The following AHCTF1 variants were observed in gnomAD, a reference collection of about 807,000 sequenced individuals.
The protein encoded by AHCTF1 is AT-hook containing transcription factor 1.
In AHCTF1, 24 loss-of-function variants were observed where a neutral mutation model predicts 248.4. The observed-to-expected ratio is 0.10, with a 90% CI of 0.07 to 0.14. AHCTF1 has a LOEUF of 0.14. Among genes scored for constraint, AHCTF1 ranks in the 10% least tolerant of loss-of-function variants. The pLI is 1.00. For synonymous variants in AHCTF1, 786 were observed against 929.8 expected, an observed-to-expected ratio of 0.85 and a Z score of 2.81; for missense variants, 2,206 against 2,636.2, an observed-to-expected ratio of 0.84 and a Z score of 3.57.
At chr1:246,891,188 A>G in intron 15 of AHCTF1, 128 bp from the exon 16 acceptor site, 1 of 547,794 alleles carries the variant, frequency 1.8e-6, no homozygotes, top group Non-Finnish European at 3.1e-6. Flanking sequence ...ATATTTGTTC[A>G]AGATATATGT....
chr1:246,908,287 A>G (rs1315162014), intron 4 of AHCTF1, among the ~76,000 whole-genome samples: 1 of 145,970 alleles, frequency 6.9e-6, no homozygotes. Flanking sequence ...AATGAAACAC[A>G]TTAAATATGC....
At chr1:246,843,738 T>A in intron 34 of AHCTF1, 57 bp downstream of exon 34, 1 of 1,056,240 alleles carries the variant, frequency 9.5e-7, no homozygotes, top group South Asian at 3.3e-5. Flanking sequence ...TTAAAACATT[T>A]GTAAAAAAAA....
chr1:246,903,395 G>C (rs1396048405), intron 7 of AHCTF1, among the ~76,000 whole-genome samples: 1 of 152,182 alleles, frequency 6.6e-6, no homozygotes, highest in African/African-American at 2.4e-5. Flanking sequence ...CCACAAGCTT[G>C]AATCTAGTCC....
At chr1:246,872,120 T>C (rs537009029) in intron 24 of AHCTF1, among the ~76,000 whole-genome samples, 78 of 148,062 alleles carry the variant, frequency 5.3e-4, no homozygotes, top group African/African-American at 1.7e-3. Flanking sequence ...AATATGGTCA[T>C]AGATCATCAC....
chr1:246,881,872 A>G (rs1369669702), intron 21 of AHCTF1, among the ~76,000 whole-genome samples: 1 of 150,986 alleles, frequency 6.6e-6, no homozygotes, highest in African/African-American at 2.4e-5. Flanking sequence ...CAAAAAAAAA[A>G]GAAGAAGGGT....
intron 31 of AHCTF1, among the ~76,000 whole-genome samples, chr1:246,853,697 G>C (rs1322623275): frequency 2.0e-5 from 3 of 149,366 alleles, no homozygotes; most frequent in Admixed American, 2.0e-4. Context: ...CTAGGATAAA[G>C]AATGAATCTC....
At chr1:246,900,883 C>T (rs1664946227) in intron 8 of AHCTF1, among the ~76,000 whole-genome samples, 1 of 152,080 alleles carries the variant, frequency 6.6e-6, no homozygotes. Flanking sequence ...TGAACCTTAG[C>T]TGAGAAGGAC....
intron 33 of AHCTF1, among the ~76,000 whole-genome samples, chr1:246,847,825 A>C (rs569166324): frequency 2.0e-5 from 3 of 152,208 alleles, no homozygotes; most frequent in African/African-American, 7.2e-5. Flanking sequence ...CTCTAACAAA[A>C]TAACTCTCAC....
chr1:246,854,874 A>G (rs539255684), intron 31 of AHCTF1, among the ~76,000 whole-genome samples: 4 of 152,206 alleles, frequency 2.6e-5, no homozygotes, highest in Non-Finnish European at 5.9e-5. Flanking sequence ...CTCTTCCAAC[A>G]TATCGGGAGA....
At chr1:246,891,401 TAATA>T (rs903509761) in intron 15 of AHCTF1, among the ~76,000 whole-genome samples, 2 of 152,310 alleles carry the variant, frequency 1.3e-5, no homozygotes. Context: ...ATAGTATCAC[TAATA>T]AAGATTGTTC....
At chr1:246,876,778 G>A (rs562388345) in intron 23 of AHCTF1, among the ~76,000 whole-genome samples, 172 bp downstream of exon 23, 2 of 152,144 alleles carry the variant, frequency 1.3e-5, no homozygotes, top group African/African-American at 2.4e-5. Context: ...AAAGAATTAC[G>A]TGGTAATACC....
intron 21 of AHCTF1, among the ~76,000 whole-genome samples, chr1:246,882,442 TAG>T (rs1215756563): frequency 6.6e-6 from 1 of 152,016 alleles, no homozygotes; most frequent in Non-Finnish European, 1.5e-5. Context: ...TTCTAAATCA[TAG>T]ATAGGGAAAA....
At position 246,894,678 on chromosome 1, in the gene AHCTF1, T is replaced by C; in HGVS notation, c.1785A>G (p.Lys595=). The C allele has an allele frequency of 6.2e-7, 1 of 1,612,960 alleles. No homozygotes were observed. The highest frequency in any genetic ancestry group is 1.1e-5 in the South Asian group (1 of 91,024). The change falls in exon 14 of 36, where the codon AAA becomes AAG. Residue 595 remains lysine, a synonymous_variant. Transcript: ENST00000648844. ...ACTTACATAGTCTGTCAAATTCCTC[T>C]TTTGTGAGAACCACTTTATTCCACG... The part of the protein sequence containing the change: ...EWTWNKVVLT[K]EEFDRLCVPL...
intron 33 of AHCTF1, among the ~76,000 whole-genome samples, chr1:246,845,281 G>A (rs1660168108): frequency 6.7e-6 from 1 of 149,972 alleles, no homozygotes; most frequent in Admixed American, 6.6e-5. Context: ...ATATAAAAAT[G>A]TTTTCTGTGG....
rs371546935 is a variant in AHCTF1, at chr1:246,842,727, C to A, written c.6575G>T (p.Arg2192Leu). 1.0e-4 allele frequency: 169 copies of A among 1,613,566 alleles called. No individual in the cohort carries two copies. Among genetic ancestry groups the A allele is most frequent in the Non-Finnish European group, 1.3e-4 (149 of 1,179,998 alleles). ...TTGTTTTGTTTTTGACGTCCTGATT[C>A]GTTTCGCTTTTGGCTTTCCCAGAGT... Reference protein sequence around the residue: ...VETLGKPKAKRIRTSKTKQAS... With the variant: ...VETLGKPKAKLIRTSKTKQAS... The change falls in exon 35 of 36, where the codon CGA (arginine) becomes CTA (leucine). Residue 2192 changes from arginine (R) to leucine (L), a missense_variant. Around this residue, in one of 6 missense-constraint regions of AHCTF1, gnomAD observed 469 missense variants for 470.0 expected, o/e 1.00. Coordinates refer to ENST00000648844, the MANE Select transcript of AHCTF1 (RefSeq NM_001323342.2).
chr1:246,860,875 G>T, intron 29 of AHCTF1, 24 bp downstream of exon 29: 2 of 1,588,334 alleles, frequency 1.3e-6, no homozygotes, highest in South Asian at 2.3e-5. Context: ...TAACAATTTT[G>T]AGTATTCAGA....
chr1:246,891,110 G>A (rs2103138999), intron 15 of AHCTF1, 50 bp from the exon 16 acceptor site: 2 of 1,191,852 alleles, frequency 1.7e-6, no homozygotes, highest in Middle Eastern at 2.0e-4. Flanking sequence ...AAATCAAGAT[G>A]CTCCACAGTT....
intron 5 of AHCTF1, among the ~76,000 whole-genome samples, chr1:246,907,246 C>T (rs1435713219): frequency 1.3e-5 from 2 of 152,140 alleles, no homozygotes; most frequent in African/African-American, 4.8e-5. Flanking sequence ...TACATAAGGA[C>T]TGTTGTTGAC....
intron 1 of AHCTF1, among the ~76,000 whole-genome samples, chr1:246,926,755 C>T (rs1334141098): frequency 6.6e-6 from 1 of 152,126 alleles, no homozygotes; most frequent in Non-Finnish European, 1.5e-5. Flanking sequence ...CTTTGGGAGG[C>T]TGAGGCAGGA....
Sources: allele counts gnomAD v4.1 joint callset (sites outside exome capture counted in the v4.1 genomes callset), GRCh38; gene constraint gnomAD v4.1.1; regional missense constraint gnomAD v4.1.1; transcripts MANE v1.5; gene names NCBI Gene and HGNC (gene_info 2026-07-23, HGNC 2026-07-21).